The following UBE2H variants were observed in gnomAD, a reference collection of about 807,000 sequenced individuals.
UBE2H encodes the protein ubiquitin-conjugating enzyme E2 H.
In UBE2H, 3 loss-of-function variants were observed where a neutral mutation model predicts 29.0. The observed-to-expected ratio is 0.10, with a 90% confidence interval of 0.05 to 0.27. The LOEUF (loss-of-function observed/expected upper bound fraction) is 0.27, where lower values mean the gene tolerates loss of function less well. UBE2H is among the 10% of genes least tolerant of loss of function. The probability of loss-of-function intolerance (pLI) is 1.00; values close to 1 mark genes in which losing one functional copy is unlikely to be tolerated. For synonymous variants in UBE2H, 69 were observed against 82.9 expected (o/e 0.83, Z 0.91); for missense variants, 68 against 228.2 (o/e 0.30, Z 4.52).
intron 1 of UBE2H, among the ~76,000 whole-genome samples, chr7:129,892,903 G>A (rs968589058): frequency 1.3e-5 from 2 of 152,034 alleles, no homozygotes; most frequent in African/African-American, 2.4e-5. Flanking sequence ...AATAAAATAT[G>A]TAACTTTTAG....
intron 5 of UBE2H, among the ~76,000 whole-genome samples, chr7:129,843,018 TGAGACA>T (rs1328460104): frequency 6.7e-6 from 1 of 148,404 alleles, no homozygotes; most frequent in African/African-American, 2.5e-5. Context: ...TTTTTTTTTT[TGAGACA>T]GAGTCTTGCT....
At chr7:129,919,621 T>C (rs1807116006) in intron 1 of UBE2H, among the ~76,000 whole-genome samples, 1 of 152,288 alleles carries the variant, frequency 6.6e-6, no homozygotes, top group African/African-American at 2.4e-5. Context: ...AAGGTCAAAC[T>C]TCATCTCTTG....
intron 1 of UBE2H, among the ~76,000 whole-genome samples, chr7:129,891,953 CTTTTTTT>C (rs753851134): frequency 7.9e-6 from 1 of 127,138 alleles, no homozygotes; most frequent in East Asian, 2.2e-4. Context: ...CATGCTACAC[CTTTTTTT>C]TTTTTTTTTT....
At chr7:129,944,573 G>C (rs968130871) in intron 1 of UBE2H, among the ~76,000 whole-genome samples, 2 of 152,110 alleles carry the variant, frequency 1.3e-5, no homozygotes, top group African/African-American at 4.8e-5. Context: ...CTGGCCAACA[G>C]TGAGACCTCA....
chr7:129,888,408 TCAGGAGGCTGAGG>T (rs1806406354), intron 1 of UBE2H, among the ~76,000 whole-genome samples: 1 of 152,140 alleles, frequency 6.6e-6, no homozygotes. Flanking sequence ...TCCTAGCACT[TCAGGAGGCTGAGG>T]TGGGAGGATT....
intron 1 of UBE2H, among the ~76,000 whole-genome samples, chr7:129,884,225 G>A (rs950593896): frequency 7.2e-5 from 11 of 152,082 alleles, no homozygotes; most frequent in Non-Finnish European, 2.9e-5. Flanking sequence ...AGACCATCCT[G>A]GTTAACACGG....
intron 1 of UBE2H, among the ~76,000 whole-genome samples, chr7:129,948,400 G>C (rs945938976): frequency 6.6e-6 from 1 of 152,168 alleles, no homozygotes; most frequent in Non-Finnish European, 1.5e-5. Context: ...AATTAACTCA[G>C]GCCGTTTTAA....
intron 1 of UBE2H, among the ~76,000 whole-genome samples, chr7:129,898,699 G>C (rs1806647586): frequency 6.6e-6 from 1 of 152,166 alleles, no homozygotes; most frequent in South Asian, 2.1e-4. Context: ...CACCATGTGA[G>C]ATGTGCTGGT....
intron 1 of UBE2H, among the ~76,000 whole-genome samples, chr7:129,898,163 G>C (rs1806637026): frequency 6.6e-6 from 1 of 152,188 alleles, no homozygotes; most frequent in Non-Finnish European, 1.5e-5. Flanking sequence ...GGAGGTGAAA[G>C]TAGACTGTAT....
intron 3 of UBE2H, among the ~76,000 whole-genome samples, chr7:129,861,896 G>T (rs532886169): frequency 2.2e-4 from 34 of 152,264 alleles, no homozygotes; most frequent in South Asian, 1.9e-3. Flanking sequence ...TCCAAAAAAA[G>T]TTATACATAG....
chr7:129,865,187 A>G (rs3807119), intron 3 of UBE2H: 28,371 of 322,062 alleles, frequency 0.088, 1,807 homozygotes, highest in East Asian at 0.28. Flanking sequence ...CCAATACTCA[A>G]CTGCTCTAGA....
At chr7:129,917,487 G>A (rs1305144243) in intron 1 of UBE2H, among the ~76,000 whole-genome samples, 1 of 152,152 alleles carries the variant, frequency 6.6e-6, no homozygotes, top group Non-Finnish European at 1.5e-5. Context: ...AGGGAGGTTG[G>A]TGGTAACAAA....
intron 1 of UBE2H, among the ~76,000 whole-genome samples, chr7:129,882,706 A>G (rs1368627915): frequency 6.6e-6 from 1 of 152,190 alleles, no homozygotes; most frequent in Non-Finnish European, 1.5e-5. Flanking sequence ...ATGCATGCCT[A>G]CTCTGACCAG....
intron 1 of UBE2H, among the ~76,000 whole-genome samples, chr7:129,890,666 C>G (rs1806465756): frequency 6.6e-6 from 1 of 152,114 alleles, no homozygotes; most frequent in Non-Finnish European, 1.5e-5. Flanking sequence ...GCCACTGCGC[C>G]CAGCCAACGG....
At chr7:129,851,690 C>A (rs1486911846) in intron 5 of UBE2H, among the ~76,000 whole-genome samples, 1 of 152,186 alleles carries the variant, frequency 6.6e-6, no homozygotes, top group Non-Finnish European at 1.5e-5. Context: ...TGGCTCATGT[C>A]CCACGATCCA....
Position 129,949,046 on chromosome 7 carries a change from C to A in UBE2H, c.53+3457G>T, listed in dbSNP as rs767349971. ...GAGCGCTGAGGAGCGGTGCCTGCGG[C>A]CTTTTGCCTGCATACGCTTTTCCAA... On this transcript the variant is annotated intron_variant, in intron 1 of 6. Coordinates refer to ENST00000355621, the MANE Select transcript of UBE2H (RefSeq NM_003344.4). 4 of 456,624 alleles carry A rather than the reference C, an allele frequency of 8.8e-6. 1 individual carries two copies. The highest frequency in any genetic ancestry group is 4.6e-5 in the South Asian group (3 of 64,530). 28.3% of individuals were successfully genotyped at this position (456,624 alleles called of 1,614,324 possible).
chr7:129,865,363 T>C (rs1297370054), intron 3 of UBE2H, among the ~76,000 whole-genome samples: 1 of 152,114 alleles, frequency 6.6e-6, no homozygotes, highest in African/African-American at 2.4e-5. Flanking sequence ...TTGGGGTCAA[T>C]ATGTAAATAA....
intron 3 of UBE2H, among the ~76,000 whole-genome samples, chr7:129,879,139 C>T (rs922507133): frequency 6.6e-6 from 1 of 152,070 alleles, no homozygotes; most frequent in Non-Finnish European, 1.5e-5. Flanking sequence ...TTGTAAGGTA[C>T]CCAGAGTTGG....
rs1340223359 is a variant in UBE2H at position 129,952,565 on chromosome 7, G to A, written c.-10C>T. The A allele has an allele frequency of 3.1e-6, 5 of 1,609,670 alleles. No individual in the cohort carries two copies. The highest frequency in any genetic ancestry group is 2.7e-5 in the African/African-American group (2 of 74,814). On this transcript the variant is annotated 5_prime_UTR_variant, in exon 1 of 7. Coordinates refer to ENST00000355621, the MANE Select transcript of UBE2H (RefSeq NM_003344.4). Reference sequence around the variant, plus strand: ...GACTGGGAGATGACATGGTGTCGCCGCCGCCTCTCTCCCTTCCTCGGCCCG... The same window carrying A: ...GACTGGGAGATGACATGGTGTCGCCACCGCCTCTCTCCCTTCCTCGGCCCG...
Sources: gnomAD v4.1 joint callset for allele counts (sites outside exome capture counted in the v4.1 genomes callset) on GRCh38, gnomAD v4.1.1 for gene constraint, MANE v1.5 for transcripts, NCBI Gene and HGNC (gene_info 2026-07-23, HGNC 2026-07-21) for gene names.